The following CDAN1 variants were observed in gnomAD, a reference collection of about 807,000 sequenced individuals.
The protein encoded by CDAN1 is codanin 1.
CDAN1 carries 107 observed loss-of-function variants against 139.8 expected under a neutral mutation model. The ratio of observed to expected loss-of-function variants is 0.77; its 90% CI spans 0.65 to 0.90. The LOEUF is 0.90. Among genes scored for constraint, CDAN1 ranks in the 40% least tolerant of loss-of-function variants. The pLI is 0.00. For missense variants in CDAN1, 1,667 were observed against 1,575.7 expected (o/e 1.06, Z -0.98); for synonymous variants, 776 against 660.6 (o/e 1.17, Z -2.68).
At position 42,724,486 on chromosome 15, in the gene CDAN1, C is replaced by T. The variant is rs1362126067; in HGVS notation, c.*5G>A. 3 of 1,576,922 alleles carry T rather than the reference C, an allele frequency of 1.9e-6. No individual in the cohort carries two copies. The highest frequency in any genetic ancestry group is 1.3e-5 in the African/African-American group (1 of 74,174). The stretch of plus-strand genomic sequence containing the variant: ...CAATGCCCAAGGCAGGGCCACTTCT[C>T]AGCCCTAGCTCTGGGCCAGCACAGT... On this transcript the variant is annotated 3_prime_UTR_variant, in exon 28 of 28. Coordinates refer to ENST00000356231, the MANE Select transcript of CDAN1 (RefSeq NM_138477.4).
intron 27 of CDAN1, 115 bp downstream of exon 27, chr15:42,725,029 T>A: frequency 1.2e-6 from 1 of 844,682 alleles, no homozygotes; most frequent in South Asian, 1.4e-5. Context: ...AGGGTGGCCC[T>A]GAAGACTCTT....
At chr15:42,736,917 G>A (rs1002844968) in intron 1 of CDAN1, 96 bp downstream of exon 1, 3 of 1,474,924 alleles carry the variant, frequency 2.0e-6, no homozygotes, top group Non-Finnish European at 2.7e-6. Flanking sequence ...CGGCCCGGCT[G>A]GCAGCCAGGC....
rs752681531 is a variant in CDAN1, at chr15:42,737,120, G to GGGGCGACTGCGC, written c.-19_-18insGCGCAGTCGCCC. On this transcript the variant is annotated 5_prime_UTR_variant, in exon 1 of 28. Coordinates refer to ENST00000356231, the MANE Select transcript of CDAN1 (RefSeq NM_138477.4). The stretch of plus-strand genomic sequence containing the variant: ...GCCGCCATCCCGGTCGGGGCGCTCT[G>GGGGCGACTGCGC]GGGCGACTGCGCAGGCGCCGGCGCG... 6 of 1,462,918 alleles carry GGGGCGACTGCGC rather than the reference G, an allele frequency of 4.1e-6. No individual in the cohort carries two copies. Among genetic ancestry groups the GGGGCGACTGCGC allele is most frequent in the African/African-American group, 1.5e-5 (1 of 68,020 alleles). 90.6% of individuals were successfully genotyped at this position (1,462,918 alleles called of 1,614,324 possible). A position where few individuals can be genotyped will look rare whatever the true frequency, so the allele number is the denominator to read the frequency against.
At chr15:42,733,265 G>T in intron 8 of CDAN1, 79 bp from the exon 9 acceptor site, 1 of 1,181,408 alleles carries the variant, frequency 8.5e-7, no homozygotes, top group South Asian at 1.2e-5. Context: ...ACTATCCGTA[G>T]CCCACCCACC....
rs1275282791 is a variant in CDAN1 at position 42,736,588 on chromosome 15, C to T, written c.283G>A (p.Gly95Arg). 3 of 1,493,062 alleles carry T rather than the reference C, an allele frequency of 2.0e-6. No individual in the cohort carries two copies. The highest frequency in any genetic ancestry group is 1.8e-6 in the Non-Finnish European group (2 of 1,122,534). The allele number at this position is 1,493,062 out of a possible 1,614,324, so 92.5% of individuals were successfully genotyped here. A position where few individuals can be genotyped will look rare whatever the true frequency, so the allele number is the denominator to read the frequency against. ...GGAGGGAAAAGCTGGCTGCGCGCCC[C>T]GCGGCTACCCCGCGGCGGGCCTCCC... ...RPGGPPRGSR[G>R]ARSQLFPPTE... The change falls in exon 2 of 28, where the codon GGG (glycine) becomes AGG (arginine). Residue 95 changes from glycine to arginine, a missense_variant. Physicochemically the swap from Gly to Arg is moderately radical, Grantham distance 125. Transcript: ENST00000356231.
At chr15:42,730,067 T>G in intron 15 of CDAN1, 61 bp downstream of exon 15, 1 of 1,490,304 alleles carries the variant, frequency 6.7e-7, no homozygotes, top group South Asian at 1.1e-5. Flanking sequence ...CTCAGACATT[T>G]GCCCACTCCC....
rs148017927 is a variant in CDAN1, at chr15:42,724,988, A to C, written c.3558+156T>G. The C allele has an allele frequency of 5.4e-4, 386 of 721,068 alleles. 2 individuals are homozygous for C. The East Asian group carries it at 9.4e-3, about 18-fold the overall frequency. 44.7% of individuals were successfully genotyped at this position (721,068 alleles called of 1,614,324 possible). A position where few individuals can be genotyped will look rare whatever the true frequency, so the allele number is the denominator to read the frequency against. On this transcript the variant is annotated intron_variant, in intron 27 of 27. Coordinates refer to ENST00000356231, the MANE Select transcript of CDAN1 (RefSeq NM_138477.4). Reference sequence around the variant, plus strand: ...CGTCTTCCCACTAACACAGTCCCTCATATAATAACTACTCAAATCGGGACA... The same window carrying C: ...CGTCTTCCCACTAACACAGTCCCTCCTATAATAACTACTCAAATCGGGACA...
chr15:42,728,587 A>G, intron 20 of CDAN1, 65 bp downstream of exon 20: 1 of 1,593,946 alleles, frequency 6.3e-7, no homozygotes. Flanking sequence ...AGTAAGTGTG[A>G]AGGAGGAAAG....
intron 1 of CDAN1, 98 bp downstream of exon 1, chr15:42,736,915 C>A: frequency 6.8e-7 from 1 of 1,474,672 alleles, no homozygotes; most frequent in Non-Finnish European, 9.0e-7. Flanking sequence ...CTCGGCCCGG[C>A]TGGCAGCCAG....
chr15:42,729,839 G>C lies in CDAN1; in HGVS notation c.2309C>G (p.Ser770Ter). 10 of 1,613,952 alleles carry C rather than the reference G, an allele frequency of 6.2e-6. No individual in the cohort carries two copies. Among genetic ancestry groups the C allele is most frequent in the Non-Finnish European group, 8.5e-6 (10 of 1,179,966 alleles). ...EDLFFLEEGPSYAFEVDTVAP... is the reference protein window; with the variant it reads ...EDLFFLEEGP ...TACTGTGTCCACCTCAAAGGCATATGAGGGACCCTCTTCCAGAAAGAACAA... is the reference window on the plus strand; with the variant it reads ...TACTGTGTCCACCTCAAAGGCATATCAGGGACCCTCTTCCAGAAAGAACAA... The change falls in exon 16 of 28, where the codon TCA (serine) becomes TGA (stop). Residue 770 changes from serine to a stop codon, truncating the protein, a stop_gained. Coordinates refer to ENST00000356231, the MANE Select transcript of CDAN1 (RefSeq NM_138477.4). LOFTEE classifies it high-confidence loss of function.
intron 11 of CDAN1, 99 bp downstream of exon 11, chr15:42,731,521 A>G: frequency 6.9e-7 from 1 of 1,443,282 alleles, no homozygotes; most frequent in East Asian, 2.3e-5. Context: ...GAAGGAGCCT[A>G]TCTCCAGGCA....
rs769191212 is a variant in CDAN1, at chr15:42,725,209, C to G, written c.3493G>C (p.Gly1165Arg). 1.9e-6 allele frequency: 3 copies of G among 1,614,252 alleles called. No individual in the cohort carries two copies. Among genetic ancestry groups the G allele is most frequent in the South Asian group, 2.2e-5 (2 of 91,090 alleles). Residue 1165 changes from glycine to arginine, a missense_variant, in exon 27 of 28, where the codon GGT becomes CGT. Coordinates refer to ENST00000356231, the MANE Select transcript of CDAN1 (RefSeq NM_138477.4). Reference sequence around the variant, plus strand: ...TCTATCTCCATCCGTCCCATCAGACCCTTCTCCACCAGCTCCCGTAGCAAG... The same window carrying G: ...TCTATCTCCATCCGTCCCATCAGACGCTTCTCCACCAGCTCCCGTAGCAAG... ...LFLLRELVEK[G>R]LMGRMEIEAC...
chr15:42,727,991 C>T lies in CDAN1; in HGVS notation c.2911G>A (p.Glu971Lys), dbSNP rs148259349. 3.0e-5 allele frequency: 48 copies of T among 1,614,084 alleles called. No individual in the cohort carries two copies. The highest frequency in any genetic ancestry group is 3.9e-5 in the Non-Finnish European group (46 of 1,180,038). ...AENIAVGLAT[E>K]KACAWLSANI... ...GCTGACAGCCAAGCACAGGCTTTCT[C>T]TGTTGCAAGCCCCACAGCAATGTTC... The change falls in exon 22 of 28, where the codon GAG becomes AAG. Residue 971 changes from glutamate to lysine, a missense_variant. Around this residue, in one of 3 missense-constraint regions of CDAN1, gnomAD observed 936 missense variants for 844.1 expected, o/e 1.11. Coordinates refer to ENST00000356231, the MANE Select transcript of CDAN1 (RefSeq NM_138477.4).
In CDAN1 at chr15:42,736,248, T is replaced by TG. The variant is rs776284226; in HGVS notation, c.569+53dup. 252 of 1,608,834 alleles carry TG rather than the reference T, an allele frequency of 1.6e-4. 1 individual carries two copies. The highest frequency in any genetic ancestry group is 8.2e-4 in the Middle Eastern group (5 of 6,062). Reference sequence around the variant, plus strand: ...CTGCGGAGCGCCGAGCTCGAATGACTGACTCCCCAGAGCCTTCGTGGTACC... The same window carrying TG: ...CTGCGGAGCGCCGAGCTCGAATGACTGGACTCCCCAGAGCCTTCGTGGTACC... On this transcript the variant is annotated intron_variant, in intron 2 of 27. Coordinates refer to ENST00000356231, the MANE Select transcript of CDAN1 (RefSeq NM_138477.4).
At chr15:42,728,578 G>A (rs2061563902) in intron 20 of CDAN1, 74 bp downstream of exon 20, 3 of 1,579,816 alleles carry the variant, frequency 1.9e-6, no homozygotes, top group Non-Finnish European at 1.7e-6. Context: ...GGAAAAAAGA[G>A]TAAGTGTGAA....
rs756137086 is a variant in CDAN1 at position 42,725,160 on chromosome 15, T to C, written c.3542A>G (p.Gln1181Arg). 2 of 1,613,852 alleles carry C rather than the reference T, an allele frequency of 1.2e-6. No individual in the cohort carries two copies. Among genetic ancestry groups the C allele is most frequent in the Non-Finnish European group, 1.7e-6 (2 of 1,179,810 alleles). The change falls in exon 27 of 28, where the codon CAG becomes CGG. Residue 1181 changes from glutamine to arginine, a missense_variant. Physicochemically the swap from Gln to Arg is conservative, Grantham distance 43. This residue lies in a region of CDAN1 where 936 missense variants were observed against 844.1 expected (regional missense o/e 1.11). Transcript: ENST00000356231. ...EIEACLGSLH[Q>R]AQWPGDFAEE... is the part of the protein sequence containing the mutation. ...ACTCCTTACCCCTGGCCACTGGGCCTGGTGGAGGCTGCCCAGGCAGGCCTC... is the reference window on the plus strand; with the variant it reads ...ACTCCTTACCCCTGGCCACTGGGCCCGGTGGAGGCTGCCCAGGCAGGCCTC...
Position 42,735,885 on chromosome 15 carries a change from T to C in CDAN1, c.763A>G (p.Arg255Gly), listed in dbSNP as rs2061680650. The C allele has an allele frequency of 1.2e-6, 2 of 1,614,054 alleles. No homozygotes were observed. The highest frequency in any genetic ancestry group is 1.3e-5 in the African/African-American group (1 of 74,938). The part of the protein sequence containing the change: ...RSLQEEREML[R>G]KERSKQLQQS... ...GCGGCCAGGCCATACCGCTCCTTCC[T>C]GAGCATCTCTCGCTCCTCTTGCAGA... Residue 255 changes from arginine to glycine, a missense_variant, in exon 3 of 28, where the codon AGG (arginine) becomes GGG (glycine). Coordinates refer to ENST00000356231, the MANE Select transcript of CDAN1 (RefSeq NM_138477.4).
chr15:42,736,684 G>A lies in CDAN1; in HGVS notation c.187C>T (p.Arg63Cys), dbSNP rs775619948. ...GTCGGGGGCCCCTGCGGGAGGACGC[G>A]GCTGCTCTGCTCCCTCAGGAAGTTC... ...LLNFLREQSS[R>C]VLPQGPPTPA... Residue 63 changes from arginine (R) to cysteine (C), a missense_variant, in exon 2 of 28, where the codon CGC becomes TGC. Arg to Cys is a radical substitution (Grantham distance 180, BLOSUM62 -3). Coordinates refer to ENST00000356231, the MANE Select transcript of CDAN1 (RefSeq NM_138477.4). 19 of 1,550,700 alleles carry A rather than the reference G, an allele frequency of 1.2e-5. No individual in the cohort carries two copies. In the South Asian group the frequency reaches 2.2e-4, roughly 18 times the overall value.
At position 42,725,602 on chromosome 15, in the gene CDAN1, G is replaced by T; in HGVS notation, c.3337C>A (p.Leu1113Ile). ...YRLERGQARR[L>I]LHMLLSLWKE... is the part of the protein sequence containing the mutation. ...CACAAGGAAAGCAGCATGTGCAGAA[G>T]CCTTCGAGCCTGCCCTCTCTCCAGC... is the stretch of plus-strand genomic sequence containing the variant. Residue 1113 changes from leucine (L) to isoleucine (I), a missense_variant, in exon 26 of 28, where the codon CTT (leucine) becomes ATT (isoleucine). Transcript: ENST00000356231. 6.2e-7 allele frequency: 1 copy of T among 1,614,160 alleles called. No homozygotes were observed. The highest frequency in any genetic ancestry group is 8.5e-7 in the Non-Finnish European group (1 of 1,180,036).
Sources: allele counts gnomAD v4.1 joint callset, GRCh38; gene constraint gnomAD v4.1.1; regional missense constraint gnomAD v4.1.1; transcripts MANE v1.5; gene names NCBI Gene and HGNC (gene_info 2026-07-23, HGNC 2026-07-21).